Variants in DAAM2 observed in about 807,000 individuals in gnomAD.
The protein encoded by DAAM2 is dishevelled associated activator of morphogenesis 2, also known as disheveled-associated activator of morphogenesis 2.
DAAM2 carries 39 observed loss-of-function variants against 120.7 expected under a neutral mutation model. The observed-to-expected ratio is 0.32, with a 90% CI of 0.25 to 0.42. The LOEUF (loss-of-function observed/expected upper bound fraction) is 0.42. DAAM2 is among the 10% of genes least tolerant of loss of function. DAAM2 has a pLI of 1.00. For missense variants in DAAM2, 1,283 were observed against 1,401.7 expected, an observed-to-expected ratio of 0.92 and a Z score of 1.35; for synonymous variants, 488 against 524.9, an observed-to-expected ratio of 0.93 and a Z score of 0.96.
intron 1 of DAAM2, chr6:39,848,790 G>C (rs1448309286): frequency 6.6e-6 from 1 of 152,212 alleles, no homozygotes; most frequent in Non-Finnish European, 1.5e-5. Flanking sequence ...GAGGCTCACA[G>C]TACAAGTCAG....
intron 17 of DAAM2, among the ~76,000 whole-genome samples, chr6:39,890,901 C>T (rs1048424030): frequency 6.6e-6 from 1 of 151,930 alleles, no homozygotes; most frequent in Non-Finnish European, 1.5e-5. Flanking sequence ...CCAGCCAGGG[C>T]TACGTAGTGA....
chr6:39,794,376 C>T (rs1761636035), intron 1 of DAAM2, among the ~76,000 whole-genome samples: 1 of 152,132 alleles, frequency 6.6e-6, no homozygotes, highest in Non-Finnish European at 1.5e-5. Context: ...TGTCTTGCTC[C>T]CTGGTAGTTG....
chr6:39,846,627 G>A (rs1028381708), intron 1 of DAAM2, among the ~76,000 whole-genome samples: 1 of 151,628 alleles, frequency 6.6e-6, no homozygotes, highest in Non-Finnish European at 1.5e-5. Flanking sequence ...TAGAACCCCC[G>A]CTGGGCTACA....
intron 1 of DAAM2, among the ~76,000 whole-genome samples, chr6:39,830,094 G>T (rs563313340): frequency 2.0e-5 from 3 of 152,236 alleles, no homozygotes; most frequent in East Asian, 1.9e-4. Flanking sequence ...TTTACAATCA[G>T]GTCTGTGTTT....
chr6:39,831,477 T>C (rs1762886032), intron 1 of DAAM2, among the ~76,000 whole-genome samples: 1 of 151,934 alleles, frequency 6.6e-6, no homozygotes, highest in South Asian at 2.1e-4. Context: ...ATTATTCTCA[T>C]TTTCACATGG....
chr6:39,804,901 T>C (rs1204601736), intron 1 of DAAM2, among the ~76,000 whole-genome samples: 1 of 152,236 alleles, frequency 6.6e-6, no homozygotes, highest in Non-Finnish European at 1.5e-5. Flanking sequence ...CACTGTGTGC[T>C]GAGTCAGGTG....
chr6:39,841,756 G>A (rs568335043), intron 1 of DAAM2, among the ~76,000 whole-genome samples: 1 of 152,074 alleles, frequency 6.6e-6, no homozygotes, highest in African/African-American at 2.4e-5. Context: ...TAGAAATGGG[G>A]AGTCCATTCA....
At chr6:39,838,174 C>T (rs1562016042) in intron 1 of DAAM2, among the ~76,000 whole-genome samples, 1 of 152,208 alleles carries the variant, frequency 6.6e-6, no homozygotes, top group Non-Finnish European at 1.5e-5. Flanking sequence ...ACCTGGTTGC[C>T]TCAGCCTCTC....
At chr6:39,853,836 C>T (rs544402702) in intron 1 of DAAM2, among the ~76,000 whole-genome samples, 170 of 152,334 alleles carry the variant, frequency 1.1e-3, no homozygotes, top group African/African-American at 3.7e-3. Context: ...GCTGCAGCTG[C>T]GTTCTGGAGG....
chr6:39,837,463 CA>C (rs1763145043), intron 1 of DAAM2, among the ~76,000 whole-genome samples: 1 of 151,878 alleles, frequency 6.6e-6, no homozygotes, highest in Non-Finnish European at 1.5e-5. Flanking sequence ...CTCAGCCTCC[CA>C]AAGTGCTGAC....
intron 1 of DAAM2, among the ~76,000 whole-genome samples, chr6:39,834,368 A>G (rs1439338683): frequency 6.6e-6 from 1 of 152,130 alleles, no homozygotes; most frequent in Admixed American, 6.5e-5. Flanking sequence ...GGGTGACTGC[A>G]CTGGAGAAAA....
At chr6:39,879,827 G>C (rs1765044767) in intron 14 of DAAM2, 1 of 408,168 alleles carries the variant, frequency 2.4e-6, no homozygotes, top group East Asian at 5.8e-5. Context: ...TAAGCAAAGA[G>C]CTTGGGCCAG....
intron 21 of DAAM2, among the ~76,000 whole-genome samples, chr6:39,898,390 C>G (rs1038837137): frequency 3.3e-5 from 5 of 152,120 alleles, no homozygotes; most frequent in African/African-American, 1.2e-4. Context: ...ATGGATGGTC[C>G]AAGGAAATGT....
chr6:39,811,731 T>C (rs1189077229), intron 1 of DAAM2, among the ~76,000 whole-genome samples: 2 of 152,194 alleles, frequency 1.3e-5, no homozygotes, highest in African/African-American at 4.8e-5. Context: ...GGCCATGGTC[T>C]GTTTGCCCAG....
chr6:39,888,652 C>T, intron 16 of DAAM2, 27 bp from the exon 17 acceptor site: 1 of 1,609,280 alleles, frequency 6.2e-7, no homozygotes, highest in East Asian at 2.2e-5. Flanking sequence ...GAGGGCTGTC[C>T]TGGATTGAGG....
rs1394048695 is a variant in DAAM2 at position 39,902,645 on chromosome 6, C to T, written c.*608C>T. 6.6e-6 allele frequency: 1 copy of T among 152,292 alleles called. No homozygotes were observed. Among genetic ancestry groups the T allele is most frequent in the Non-Finnish European group, 1.5e-5 (1 of 68,096 alleles). The allele number at this position is 152,292 out of a possible 1,614,324, so 9.4% of individuals were successfully genotyped here. On this transcript the variant is annotated 3_prime_UTR_variant, in exon 25 of 25. Transcript: ENST00000274867. The stretch of plus-strand genomic sequence containing the variant: ...GATGCAGGGACCAAAGCCATCAGGA[C>T]AGAGTAGCAGTGTCTGTTTCCCATG...
At chr6:39,862,340 TG>T (rs1335001339) in intron 3 of DAAM2, 1 of 152,190 alleles carries the variant, frequency 6.6e-6, no homozygotes, top group African/African-American at 2.4e-5. Flanking sequence ...TGCATCTCAT[TG>T]TGAGAAAAGC....
chr6:39,903,637 C>T lies in DAAM2; in HGVS notation c.*1600C>T, dbSNP rs1228863131. ...GTGTTTCTCACTTTCCAACCTAATCCCTGGCTCAGGGTTATTGCCAGTGGA... is the reference window on the plus strand; with the variant it reads ...GTGTTTCTCACTTTCCAACCTAATCTCTGGCTCAGGGTTATTGCCAGTGGA... On this transcript the variant is annotated 3_prime_UTR_variant, in exon 25 of 25. Transcript: ENST00000274867. 1 of 156,760 alleles carries T rather than the reference C, an allele frequency of 6.4e-6. No individual in the cohort carries two copies. Among genetic ancestry groups the T allele is most frequent in the African/African-American group, 2.4e-5 (1 of 41,454 alleles). The allele number at this position is 156,760 out of a possible 1,614,324, so 9.7% of individuals were successfully genotyped here.
At chr6:39,888,647 C>T (rs1307904067) in intron 16 of DAAM2, 32 bp from the exon 17 acceptor site, 1 of 1,599,886 alleles carries the variant, frequency 6.3e-7, no homozygotes, top group African/African-American at 1.3e-5. Flanking sequence ...GGTTTGAGGG[C>T]TGTCCTGGAT....
Sources: allele counts gnomAD v4.1 joint callset (sites outside exome capture counted in the v4.1 genomes callset), GRCh38; gene constraint gnomAD v4.1.1; transcripts MANE v1.5; gene names NCBI Gene and HGNC (gene_info 2026-07-23, HGNC 2026-07-21).